The following TAF3 variants were observed in gnomAD, a reference collection of about 807,000 sequenced individuals.
The protein encoded by TAF3 is transcription initiation factor TFIID subunit 3.
TAF3 carries 7 observed loss-of-function variants against 80.6 expected under a neutral mutation model. The ratio of observed to expected loss-of-function variants is 0.09; its 90% confidence interval spans 0.05 to 0.16. The LOEUF is 0.16. Among genes scored for constraint, TAF3 ranks in the 10% least tolerant of loss-of-function variants. The pLI is 1.00. For synonymous variants in TAF3, 444 were observed against 446.1 expected (o/e 1.00, Z 0.06); for missense variants, 921 against 1,140.2 (o/e 0.81, Z 2.77).
intron 4 of TAF3, among the ~76,000 whole-genome samples, chr10:7,980,002 A>T (rs1831711059): frequency 6.6e-6 from 1 of 152,178 alleles, no homozygotes. Context: ...AATTTCAGTG[A>T]TCCTCCGTGG....
At position 7,925,665 on chromosome 10, in the gene TAF3, A is replaced by T. The variant is rs539656551; in HGVS notation, c.410-38255A>T. On this transcript the variant is annotated intron_variant, in intron 2 of 6. Coordinates refer to ENST00000344293, the MANE Select transcript of TAF3 (RefSeq NM_031923.4). ...CTAAAAATACAAAAAATTAGGCATG[A>T]TGGTGTGCCTGTATTCCCAGCTACT... Among the ~76,000 whole-genome samples, 39 of 151,892 alleles carry T rather than the reference A, an allele frequency of 2.6e-4. 1 individual carries two copies. In the South Asian group the frequency reaches 3.8e-3, roughly 15 times the overall value.
At chr10:8,006,010 A>G (rs1588348032) in intron 4 of TAF3, among the ~76,000 whole-genome samples, 1 of 152,160 alleles carries the variant, frequency 6.6e-6, no homozygotes, top group Non-Finnish European at 1.5e-5. Context: ...AAGCAGAATA[A>G]TAGCTTGCCT....
intron 3 of TAF3, among the ~76,000 whole-genome samples, chr10:7,974,166 ACACAC>A (rs1564375112): frequency 1.3e-5 from 2 of 150,576 alleles, no homozygotes; most frequent in Non-Finnish European, 3.0e-5. Context: ...ACACACACAC[ACACAC>A]AAACACACAC....
chr10:7,864,227 C>G (rs1002482277), intron 2 of TAF3, among the ~76,000 whole-genome samples: 3 of 152,170 alleles, frequency 2.0e-5, no homozygotes, highest in Non-Finnish European at 4.4e-5. Context: ...TTTCTGTGTT[C>G]TACCTATTCT....
At position 8,009,204 on chromosome 10, in the gene TAF3, G is replaced by A. The variant is rs1373829909; in HGVS notation, c.2442G>A (p.Pro814=). 16 of 1,446,564 alleles carry A rather than the reference G, an allele frequency of 1.1e-5. No homozygotes were observed. Among genetic ancestry groups the A allele is most frequent in the Admixed American group, 2.7e-5 (1 of 37,614 alleles). 89.6% of individuals were successfully genotyped at this position (1,446,564 alleles called of 1,614,324 possible). A position where few individuals can be genotyped will look rare whatever the true frequency, so the allele number is the denominator to read the frequency against. ...GPMLVSPAPV[P]LPLLAQAAAG... is the part of the protein sequence containing the mutation. ...TGCTCGTCAGCCCTGCGCCCGTGCC[G>A]CTGCCGCTGCTCGCCCAGGCCGCCG... The change falls in exon 5 of 7, where the codon CCG becomes CCA. Residue 814 remains proline, a synonymous_variant. Coordinates refer to ENST00000344293, the MANE Select transcript of TAF3 (RefSeq NM_031923.4). This position sits in a 1 kb window ranked among gnomAD's most constrained non-coding sequence, Gnocchi z 4.1.
chr10:7,988,451 T>C (rs1461340560), intron 4 of TAF3, among the ~76,000 whole-genome samples: 2 of 151,136 alleles, frequency 1.3e-5, no homozygotes, highest in Non-Finnish European at 3.0e-5. Context: ...TTACACCTGT[T>C]ATCCCAGCTA....
chr10:7,930,925 A>G (rs943464902), intron 2 of TAF3, among the ~76,000 whole-genome samples: 1 of 152,134 alleles, frequency 6.6e-6, no homozygotes, highest in African/African-American at 2.4e-5. Context: ...AAGGATCTTT[A>G]TAAGTCCCAC....
chr10:7,912,229 A>G (rs897692226), intron 2 of TAF3, among the ~76,000 whole-genome samples: 1 of 152,242 alleles, frequency 6.6e-6, no homozygotes, highest in Non-Finnish European at 1.5e-5. Flanking sequence ...AAATACAAGT[A>G]GGAGAAAAAA....
chr10:7,944,172 C>G (rs1838003223), intron 2 of TAF3, among the ~76,000 whole-genome samples: 1 of 147,230 alleles, frequency 6.8e-6, no homozygotes, highest in Non-Finnish European at 1.5e-5. Context: ...GAAAAACTAC[C>G]TTGTTTAGGC....
intron 2 of TAF3, among the ~76,000 whole-genome samples, chr10:7,943,932 G>A (rs1313824077): frequency 2.0e-5 from 3 of 152,296 alleles, no homozygotes; most frequent in Non-Finnish European, 2.9e-5. Context: ...AAACCAAGAT[G>A]AGTCAGCTCA....
chr10:8,013,686 T>G, intron 5 of TAF3, 45 bp from the exon 6 acceptor site: 1 of 1,553,552 alleles, frequency 6.4e-7, no homozygotes, highest in Non-Finnish European at 8.9e-7. Flanking sequence ...TTTGTTTTTT[T>G]TCCCATTCCC....
rs921128195 is a variant in TAF3, at chr10:7,903,216, A to G, written c.410-60704A>G. 9.8e-5 allele frequency among the ~76,000 whole-genome samples: 15 copies of G among 152,290 alleles called. No homozygotes were observed. In the East Asian group the frequency reaches 2.7e-3, roughly 27 times the overall value. On this transcript the variant is annotated intron_variant, in intron 2 of 6. Coordinates refer to ENST00000344293, the MANE Select transcript of TAF3 (RefSeq NM_031923.4). ...AGCCTGGGCAACAGAGCAAGACTCT[A>G]TCTCACAAAAATGTAATAATCCATT...
intron 3 of TAF3, among the ~76,000 whole-genome samples, chr10:7,973,482 A>G (rs1353677262): frequency 6.6e-6 from 1 of 152,218 alleles, no homozygotes; most frequent in Admixed American, 6.5e-5. Context: ...AATCAAAAAG[A>G]CTGCATTCCG....
chr10:7,844,212 CTG>C (rs1836946639), intron 2 of TAF3, among the ~76,000 whole-genome samples: 2 of 152,078 alleles, frequency 1.3e-5, no homozygotes, highest in South Asian at 4.1e-4. Context: ...CTATCTGAAA[CTG>C]TAGATTTTCT....
At chr10:7,919,205 A>G (rs116705062) in intron 2 of TAF3, among the ~76,000 whole-genome samples, 1,972 of 152,278 alleles carry the variant, frequency 0.013, 47 homozygotes, top group African/African-American at 0.045. Flanking sequence ...GCTTCTGGCT[A>G]AGGTAATGGG....
chr10:7,973,514 G>C (rs1215683910), intron 3 of TAF3, among the ~76,000 whole-genome samples: 1 of 152,120 alleles, frequency 6.6e-6, no homozygotes, highest in Non-Finnish European at 1.5e-5. Flanking sequence ...CTATTTGTGT[G>C]ACCTCAGAAG....
intron 4 of TAF3, among the ~76,000 whole-genome samples, chr10:8,005,304 G>C (rs1171504279): frequency 2.0e-5 from 3 of 152,086 alleles, no homozygotes; most frequent in African/African-American, 7.2e-5. Flanking sequence ...CTTTGATTAT[G>C]TGCTGCTTAT....
At chr10:7,855,769 G>T (rs187630688) in intron 2 of TAF3, among the ~76,000 whole-genome samples, 1 of 152,194 alleles carries the variant, frequency 6.6e-6, no homozygotes, top group Non-Finnish European at 1.5e-5. Context: ...AAACAGTCAT[G>T]CAAGAGGAAT....
At chr10:7,827,160 C>G (rs1836750279) in intron 2 of TAF3, among the ~76,000 whole-genome samples, 1 of 152,280 alleles carries the variant, frequency 6.6e-6, no homozygotes, top group Non-Finnish European at 1.5e-5. Flanking sequence ...GGGCAGCAGG[C>G]TGTGAGAGGC....
Sources: allele counts gnomAD v4.1 joint callset (sites outside exome capture counted in the v4.1 genomes callset), GRCh38; gene constraint gnomAD v4.1.1; non-coding constraint Gnocchi (gnomAD v3.1); transcripts MANE v1.5; gene names NCBI Gene and HGNC (gene_info 2026-07-23, HGNC 2026-07-21).